The following CXCL13 variants were observed in gnomAD, a reference collection of about 807,000 sequenced individuals.
The protein encoded by CXCL13 is C-X-C motif chemokine ligand 13.
CXCL13 carries 7 observed loss-of-function variants against 12.2 expected under a neutral mutation model. The ratio of observed to expected loss-of-function variants is 0.57; its 90% CI spans 0.33 to 1.07. The LOEUF (loss-of-function observed/expected upper bound fraction) is 1.07, where lower values mean the gene tolerates loss of function less well. Ranked by LOEUF, CXCL13 falls within the 50% of genes least tolerant of loss-of-function variation. The pLI is 0.04. For missense variants in CXCL13, 113 were observed against 127.4 expected (o/e 0.89, Z 0.55); for synonymous variants, 47 against 42.4 (o/e 1.11, Z -0.42).
chr4:77,550,596 G>T (rs975631381), intron 1 of CXCL13, among the ~76,000 whole-genome samples: 3 of 152,158 alleles, frequency 2.0e-5, no homozygotes, highest in Non-Finnish European at 4.4e-5. Context: ...TATATAATCT[G>T]TAGTTGATGG....
At chr4:77,568,750 C>G (rs1472445394) in intron 1 of CXCL13, among the ~76,000 whole-genome samples, 1 of 152,116 alleles carries the variant, frequency 6.6e-6, no homozygotes, top group Non-Finnish European at 1.5e-5. Flanking sequence ...TGTTTACTGC[C>G]CCCGAAATGC....
At chr4:77,576,324 T>C (rs1726195963) in intron 1 of CXCL13, among the ~76,000 whole-genome samples, 1 of 152,242 alleles carries the variant, frequency 6.6e-6, no homozygotes, top group East Asian at 1.9e-4. Context: ...TTTTGAGCTA[T>C]TTATGGCCTT....
At chr4:77,570,600 G>T (rs988503487) in intron 1 of CXCL13, among the ~76,000 whole-genome samples, 2 of 152,322 alleles carry the variant, frequency 1.3e-5, no homozygotes, top group Admixed American at 6.5e-5. Context: ...GCTGCACCGT[G>T]GGAGCCCCTT....
intron 1 of CXCL13, among the ~76,000 whole-genome samples, chr4:77,526,126 C>A (rs184560958): frequency 5.2e-4 from 79 of 152,076 alleles, no homozygotes; most frequent in African/African-American, 1.7e-3. Context: ...TTAACTACCA[C>A]AGCCTTAAAA....
At chr4:77,554,725 C>G (rs1725620428) in intron 1 of CXCL13, among the ~76,000 whole-genome samples, 1 of 151,982 alleles carries the variant, frequency 6.6e-6, no homozygotes. Flanking sequence ...ATTTAAAGCA[C>G]TAAAACAATA....
chr4:77,562,500 C>A (rs1467978806), intron 1 of CXCL13, among the ~76,000 whole-genome samples: 1 of 152,036 alleles, frequency 6.6e-6, no homozygotes, highest in Admixed American at 6.5e-5. Context: ...TTTGTGAATG[C>A]ACCAATCAGC....
At chr4:77,569,232 T>A (rs969072590) in intron 1 of CXCL13, among the ~76,000 whole-genome samples, 8 of 152,136 alleles carry the variant, frequency 5.3e-5, no homozygotes, top group Non-Finnish European at 8.8e-5. Flanking sequence ...TCTCACCACT[T>A]CTATTTGACA....
chr4:77,548,451 A>G (rs905184578), intron 1 of CXCL13, among the ~76,000 whole-genome samples: 1 of 152,236 alleles, frequency 6.6e-6, no homozygotes, highest in Non-Finnish European at 1.5e-5. Flanking sequence ...GCCCAAGGTC[A>G]TGGACAGGAG....
intron 1 of CXCL13, among the ~76,000 whole-genome samples, chr4:77,586,915 A>G (rs1726485284): frequency 6.6e-6 from 1 of 152,196 alleles, no homozygotes; most frequent in South Asian, 2.1e-4. Flanking sequence ...TCTCCTGCCT[A>G]CAAACTGCAG....
intron 1 of CXCL13, among the ~76,000 whole-genome samples, chr4:77,536,594 A>G (rs1049004555): frequency 6.6e-6 from 1 of 152,214 alleles, no homozygotes; most frequent in Admixed American, 6.5e-5. Flanking sequence ...CAAATTAGTT[A>G]ATAAAGATAA....
At chr4:77,560,029 C>G (rs1458804376) in intron 1 of CXCL13, among the ~76,000 whole-genome samples, 1 of 151,112 alleles carries the variant, frequency 6.6e-6, no homozygotes, top group South Asian at 2.1e-4. Flanking sequence ...ACTTCTGTGA[C>G]CACAGCAATG....
At chr4:77,524,393 C>T (rs958616652) in intron 1 of CXCL13, among the ~76,000 whole-genome samples, 7 of 152,186 alleles carry the variant, frequency 4.6e-5, no homozygotes, top group African/African-American at 1.4e-4. Context: ...CCACCCAGGT[C>T]GAGCTTCCCA....
chr4:77,548,461 G>T lies in CXCL13; in HGVS notation c.-43+36673G>T, dbSNP rs112216929. Among the ~76,000 whole-genome samples the T allele has an allele frequency of 6.0e-3, 909 of 152,330 alleles. 2 individuals are homozygous for T. Among genetic ancestry groups the T allele is most frequent in the Non-Finnish European group, 9.8e-3 (668 of 68,036 alleles). On this transcript the variant is annotated intron_variant, in intron 1 of 4. Transcript: ENST00000286758. ...CCTGTGCCCAAGGTCATGGACAGGAGGGGAAGGCAGTGAATTTCTACTTTA... is the reference window on the plus strand; with the variant it reads ...CCTGTGCCCAAGGTCATGGACAGGATGGGAAGGCAGTGAATTTCTACTTTA...
At chr4:77,516,597 A>G (rs1578031221) in intron 1 of CXCL13, among the ~76,000 whole-genome samples, 1 of 152,032 alleles carries the variant, frequency 6.6e-6, no homozygotes, top group Non-Finnish European at 1.5e-5. Flanking sequence ...ATTTGCATAG[A>G]GGTGTTTGTA....
chr4:77,569,810 T>A (rs1221575008), intron 1 of CXCL13, among the ~76,000 whole-genome samples: 1 of 152,176 alleles, frequency 6.6e-6, no homozygotes, highest in Admixed American at 6.5e-5. Flanking sequence ...AGAGTCCAAA[T>A]AGCCAAGGCA....
chr4:77,573,147 A>G (rs1304313063), intron 1 of CXCL13, among the ~76,000 whole-genome samples: 1 of 151,896 alleles, frequency 6.6e-6, no homozygotes, highest in Non-Finnish European at 1.5e-5. Flanking sequence ...TAGACTTAAT[A>G]CCTGGATGTT....
At chr4:77,524,788 C>T (rs1363666532) in intron 1 of CXCL13, among the ~76,000 whole-genome samples, 2 of 152,148 alleles carry the variant, frequency 1.3e-5, no homozygotes, top group Non-Finnish European at 2.9e-5. Flanking sequence ...GCAGAAGTCC[C>T]CTGTCTTCTG....
intron 1 of CXCL13, among the ~76,000 whole-genome samples, chr4:77,539,461 T>C (rs1369219043): frequency 6.6e-6 from 1 of 152,148 alleles, no homozygotes; most frequent in Non-Finnish European, 1.5e-5. Flanking sequence ...TTTTATACAT[T>C]AGTGTACTTC....
chr4:77,574,724 A>G (rs2109821035), intron 1 of CXCL13, among the ~76,000 whole-genome samples: 1 of 151,968 alleles, frequency 6.6e-6, no homozygotes, highest in East Asian at 1.9e-4. Flanking sequence ...TCTGATGGCT[A>G]CTGGGTTTTC....
Sources: gnomAD v4.1 joint callset for allele counts (sites outside exome capture counted in the v4.1 genomes callset) on GRCh38, gnomAD v4.1.1 for gene constraint, MANE v1.5 for transcripts, NCBI Gene and HGNC (gene_info 2026-07-23, HGNC 2026-07-21) for gene names.